Variants in TFAP2D observed in about 807,000 individuals in gnomAD.
The protein encoded by TFAP2D is transcription factor AP-2 delta.
A neutral mutation model predicts 43.6 loss-of-function variants in TFAP2D; 9 were observed. The observed-to-expected ratio is 0.21, with a 90% CI of 0.12 to 0.36. TFAP2D has a LOEUF of 0.36. Ranked by LOEUF, TFAP2D falls within the 10% of genes least tolerant of loss-of-function variation. TFAP2D has a pLI of 1.00. For missense variants in TFAP2D, 513 were observed against 561.4 expected (o/e 0.91, Z 0.87); for synonymous variants, 256 against 224.9 (o/e 1.14, Z -1.24).
At chr6:50,723,878 C>T (rs1165706692) in intron 3 of TFAP2D, among the ~76,000 whole-genome samples, 1 of 152,172 alleles carries the variant, frequency 6.6e-6, no homozygotes, top group African/African-American at 2.4e-5. Context: ...CACCTACCGC[C>T]ACATTAAACC....
chr6:50,715,039 C>T (rs2114025636), intron 1 of TFAP2D, 77 bp from the exon 2 acceptor site: 2 of 1,545,442 alleles, frequency 1.3e-6, no homozygotes, highest in Middle Eastern at 1.9e-4. Context: ...CTCCTGGCTC[C>T]GGGAGAGCGG....
chr6:50,756,345 G>A (rs1283740409), intron 7 of TFAP2D, among the ~76,000 whole-genome samples: 1 of 151,990 alleles, frequency 6.6e-6, no homozygotes, highest in Non-Finnish European at 1.5e-5. Context: ...GAAGTGAAGA[G>A]GGAGTGTAAT....
intron 6 of TFAP2D, among the ~76,000 whole-genome samples, chr6:50,748,488 A>G (rs1396259648): frequency 6.6e-6 from 1 of 151,816 alleles, no homozygotes; most frequent in Non-Finnish European, 1.5e-5. Flanking sequence ...ACCTCCATGG[A>G]TTACAGATTC....
At chr6:50,764,075 A>C (rs918744736) in intron 7 of TFAP2D, among the ~76,000 whole-genome samples, 4 of 152,164 alleles carry the variant, frequency 2.6e-5, no homozygotes, top group Admixed American at 6.5e-5. Context: ...AGTTTCTAAA[A>C]TCTTTTTTCC....
chr6:50,771,521 A>G (rs1469649089), intron 7 of TFAP2D, among the ~76,000 whole-genome samples: 1 of 152,200 alleles, frequency 6.6e-6, no homozygotes, highest in African/African-American at 2.4e-5. Context: ...GCCAATTATG[A>G]TTTCTTCATG....
chr6:50,768,000 A>C (rs540497736), intron 7 of TFAP2D, among the ~76,000 whole-genome samples: 108 of 152,344 alleles, frequency 7.1e-4, no homozygotes, highest in Non-Finnish European at 1.3e-3. Flanking sequence ...TTGACTGCCT[A>C]TTTCAAACCA....
intron 7 of TFAP2D, among the ~76,000 whole-genome samples, chr6:50,766,480 A>G (rs1288347893): frequency 6.6e-6 from 1 of 151,970 alleles, no homozygotes; most frequent in Non-Finnish European, 1.5e-5. Flanking sequence ...TAATGCTTCC[A>G]ATCCATGAAC....
intron 5 of TFAP2D, among the ~76,000 whole-genome samples, chr6:50,737,738 GTTGT>G (rs1768983431): frequency 6.6e-6 from 1 of 151,942 alleles, no homozygotes; most frequent in Non-Finnish European, 1.5e-5. Context: ...GTGCTTACAA[GTTGT>G]TTGTTCTTTT....
intron 5 of TFAP2D, among the ~76,000 whole-genome samples, chr6:50,742,571 CACATAGAT>C (rs1342338123): frequency 3.2e-5 from 4 of 126,772 alleles, no homozygotes; most frequent in East Asian, 2.4e-4. Context: ...TAGACAGACA[CACATAGAT>C]AGATAGATAG....
intron 5 of TFAP2D, among the ~76,000 whole-genome samples, chr6:50,732,438 G>T (rs1406575969): frequency 6.6e-6 from 1 of 151,894 alleles, no homozygotes; most frequent in African/African-American, 2.4e-5. Flanking sequence ...TACATTACTG[G>T]GGTTCAATCA....
chr6:50,716,031 G>C (rs1237529973), intron 2 of TFAP2D, among the ~76,000 whole-genome samples: 3 of 152,058 alleles, frequency 2.0e-5, no homozygotes, highest in Non-Finnish European at 4.4e-5. Flanking sequence ...ATGACCAATC[G>C]TACCCTCAAT....
chr6:50,755,018 C>T (rs1315824354), intron 7 of TFAP2D, among the ~76,000 whole-genome samples: 3 of 151,712 alleles, frequency 2.0e-5, no homozygotes, highest in African/African-American at 7.3e-5. Context: ...GTGTCAAATC[C>T]AGGAAATCTT....
intron 7 of TFAP2D, among the ~76,000 whole-genome samples, chr6:50,758,583 T>C (rs1264832972): frequency 1.3e-5 from 2 of 152,098 alleles, no homozygotes; most frequent in African/African-American, 2.4e-5. Flanking sequence ...ACTGGTATTT[T>C]CTGATTGCTC....
chr6:50,772,565 G>C (rs1769544412), intron 7 of TFAP2D, 80 bp from the exon 8 acceptor site: 1 of 1,256,518 alleles, frequency 8.0e-7, no homozygotes, highest in East Asian at 2.4e-5. Flanking sequence ...TGAATGTTCT[G>C]AATTATATGG....
rs1370903364 is a variant in TFAP2D at position 50,752,108 on chromosome 6, G to A, written c.1139+784G>A. ...AAAAATTTTGATGCAATTAGAAACT[G>A]CAAATGGTTCTTAAGTTAGACCACA... On this transcript the variant is annotated intron_variant, in intron 7 of 7. Transcript: ENST00000008391. Among the ~76,000 whole-genome samples, 3 of 151,812 alleles carry A rather than the reference G, an allele frequency of 2.0e-5. No homozygotes were observed. The East Asian group carries it at 5.8e-4, about 29-fold the overall frequency.
At chr6:50,742,278 A>T (rs1234589810) in intron 5 of TFAP2D, among the ~76,000 whole-genome samples, 1 of 151,994 alleles carries the variant, frequency 6.6e-6, no homozygotes, top group Admixed American at 6.6e-5. Flanking sequence ...ACAATGTTAT[A>T]TCACAAGCAG....
chr6:50,759,539 C>T (rs559856139), intron 7 of TFAP2D, among the ~76,000 whole-genome samples: 5 of 151,992 alleles, frequency 3.3e-5, no homozygotes, highest in South Asian at 2.1e-4. Flanking sequence ...ATCAACAGTT[C>T]GATAAAATTC....
chr6:50,772,877 G>A lies in TFAP2D; in HGVS notation c.*13G>A, dbSNP rs769941334. ...AAAGACAGACTAGCTACATCAAACAGAATCTATTTCCAGAGAGTCTTGCTG... is the reference window on the plus strand; with the variant it reads ...AAAGACAGACTAGCTACATCAAACAAAATCTATTTCCAGAGAGTCTTGCTG... On this transcript the variant is annotated 3_prime_UTR_variant, in exon 8 of 8. Transcript: ENST00000008391. The A allele has an allele frequency of 1.2e-6, 2 of 1,602,806 alleles. No homozygotes were observed. Among genetic ancestry groups the A allele is most frequent in the Non-Finnish European group, 1.7e-6 (2 of 1,174,128 alleles).
At chr6:50,762,723 A>G (rs931168298) in intron 7 of TFAP2D, among the ~76,000 whole-genome samples, 2 of 152,088 alleles carry the variant, frequency 1.3e-5, no homozygotes, top group Non-Finnish European at 2.9e-5. Context: ...GGTGCCATAA[A>G]CTACACTAGT....
Sources: allele counts gnomAD v4.1 joint callset (sites outside exome capture counted in the v4.1 genomes callset), GRCh38; gene constraint gnomAD v4.1.1; transcripts MANE v1.5; gene names NCBI Gene and HGNC (gene_info 2026-07-23, HGNC 2026-07-21).